WDR59: variants seen among roughly 807,000 people sequenced by gnomAD.
The protein encoded by WDR59 is WD repeat domain 59.
Under a neutral mutation model 131.2 loss-of-function variants are expected in WDR59, and 100 were observed. The ratio of observed to expected loss-of-function variants is 0.76; its 90% CI spans 0.65 to 0.90. The LOEUF is 0.90. Ranked by LOEUF, WDR59 falls within the 40% of genes least tolerant of loss-of-function variation. The pLI, the probability that WDR59 is intolerant of heterozygous loss-of-function variation, is 0.00. For missense variants in WDR59, 1,203 were observed against 1,262.2 expected (o/e 0.95, Z 0.71); for synonymous variants, 601 against 466.2 (o/e 1.29, Z -3.72).
intron 6 of WDR59, among the ~76,000 whole-genome samples, 173 bp downstream of exon 6, chr16:74,948,346 G>A (rs2032778742): frequency 6.6e-6 from 1 of 152,192 alleles, no homozygotes; most frequent in East Asian, 1.9e-4. Context: ...AGCCTAAAGT[G>A]AGCCCCTTGC....
In WDR59 at chr16:74,889,144, G is replaced by A. The variant is rs749909614; in HGVS notation, c.2195+559C>T. ...CAAACTTCAACTTGAAGTCAGGAGC[G>A]TTTCTCTCCCCAGGCCCTGGGCCTC... On this transcript the variant is annotated intron_variant, in intron 21 of 25. Coordinates refer to ENST00000262144, the MANE Select transcript of WDR59 (RefSeq NM_030581.4). Among the ~76,000 whole-genome samples the A allele has an allele frequency of 1.4e-4, 22 of 152,294 alleles. 1 individual carries two copies. The highest frequency in any genetic ancestry group is 1.2e-4 in the Non-Finnish European group (8 of 68,018).
chr16:74,879,339 AGAGT>A (rs934686987), intron 25 of WDR59, among the ~76,000 whole-genome samples: 2 of 152,224 alleles, frequency 1.3e-5, no homozygotes, highest in Non-Finnish European at 2.9e-5. Context: ...CCTGGGTGAC[AGAGT>A]GAGACCCTGT....
At chr16:74,980,523 T>C (rs2034358928) in intron 1 of WDR59, among the ~76,000 whole-genome samples, 1 of 151,816 alleles carries the variant, frequency 6.6e-6, no homozygotes, top group Non-Finnish European at 1.5e-5. Context: ...CTGGCTAATT[T>C]TTGTATTTTT....
chr16:74,916,024 A>C (rs973519954), intron 12 of WDR59, 30 bp from the exon 13 acceptor site: 1 of 1,614,030 alleles, frequency 6.2e-7, no homozygotes, highest in Non-Finnish European at 8.5e-7. Flanking sequence ...CAATGTTGGA[A>C]AGCATTTTTG....
intron 10 of WDR59, among the ~76,000 whole-genome samples, chr16:74,921,043 T>C (rs1207633608): frequency 7.2e-5 from 11 of 152,156 alleles, no homozygotes; most frequent in Non-Finnish European, 1.6e-4. Context: ...ACATGTTCCA[T>C]ATAATTTTCA....
At chr16:74,901,361 G>C (rs1366186279) in intron 18 of WDR59, among the ~76,000 whole-genome samples, 1 of 151,472 alleles carries the variant, frequency 6.6e-6, no homozygotes, top group Non-Finnish European at 1.5e-5. Context: ...AGCTCTCAGG[G>C]GCAGAGATCT....
At chr16:74,974,387 A>T (rs1445751404) in intron 1 of WDR59, among the ~76,000 whole-genome samples, 2 of 152,184 alleles carry the variant, frequency 1.3e-5, no homozygotes, top group Non-Finnish European at 2.9e-5. Flanking sequence ...CTAATTTAAT[A>T]ATAATGGTAA....
intron 18 of WDR59, among the ~76,000 whole-genome samples, chr16:74,894,930 A>G (rs1229929281): frequency 1.3e-5 from 2 of 152,232 alleles, no homozygotes; most frequent in East Asian, 1.9e-4. Context: ...ACATGTAACT[A>G]TTATGAATGT....
intron 1 of WDR59, among the ~76,000 whole-genome samples, chr16:74,970,482 G>C (rs1376404458): frequency 1.9e-5 from 2 of 103,172 alleles, no homozygotes; most frequent in Admixed American, 1.2e-4. Context: ...GTGACAGAGA[G>C]AGACTCTGTC....
intron 18 of WDR59, among the ~76,000 whole-genome samples, chr16:74,896,888 T>G (rs1418566521): frequency 6.6e-6 from 1 of 152,206 alleles, no homozygotes; most frequent in African/African-American, 2.4e-5. Context: ...GGGATACTAC[T>G]TCCACTTTAC....
At chr16:74,976,245 A>G (rs2034175290) in intron 1 of WDR59, among the ~76,000 whole-genome samples, 1 of 152,116 alleles carries the variant, frequency 6.6e-6, no homozygotes, top group Non-Finnish European at 1.5e-5. Flanking sequence ...TTTTTATTAG[A>G]GTAAAACACA....
chr16:74,977,639 G>A (rs1230788160), intron 1 of WDR59, among the ~76,000 whole-genome samples: 1 of 152,180 alleles, frequency 6.6e-6, no homozygotes, highest in Non-Finnish European at 1.5e-5. Context: ...AGTGAGCTGA[G>A]ATCGTGCCAC....
chr16:74,911,150 C>T (rs975234473), intron 14 of WDR59, among the ~76,000 whole-genome samples: 12 of 152,182 alleles, frequency 7.9e-5, no homozygotes, highest in African/African-American at 2.9e-4. Context: ...GGGAGTGAGC[C>T]ACCGCACCCG....
chr16:74,895,390 G>A (rs1308811956), intron 18 of WDR59, among the ~76,000 whole-genome samples: 1 of 152,104 alleles, frequency 6.6e-6, no homozygotes, highest in Non-Finnish European at 1.5e-5. Flanking sequence ...AGCCTCCCGA[G>A]TAGCTGGGAT....
chr16:74,981,610 TTACATATATATATATATATA>T (rs2034406494), intron 1 of WDR59, among the ~76,000 whole-genome samples: 1 of 76,704 alleles, frequency 1.3e-5, no homozygotes, highest in African/African-American at 5.8e-5. Context: ...ACATATACAT[TTACATATATATATATATATA>T]TATATATATA....
At chr16:74,944,558 A>G (rs764522366) in intron 6 of WDR59, among the ~76,000 whole-genome samples, 3 of 151,852 alleles carry the variant, frequency 2.0e-5, no homozygotes, top group African/African-American at 7.3e-5. Flanking sequence ...AATACTCACA[A>G]CGTGACTCCC....
chr16:74,876,407 G>A (rs1050050242), intron 25 of WDR59, among the ~76,000 whole-genome samples: 1 of 152,136 alleles, frequency 6.6e-6, no homozygotes, highest in Non-Finnish European at 1.5e-5. Context: ...TTATGAGAAT[G>A]TAAATATTGT....
At chr16:74,956,727 C>T in intron 2 of WDR59, 117 bp from the exon 3 acceptor site, 1 of 1,265,836 alleles carries the variant, frequency 7.9e-7, no homozygotes, top group Non-Finnish European at 1.1e-6. Context: ...AAAACCCAAA[C>T]ACACATGGCA....
At chr16:74,923,783 T>C (rs1567724292) in intron 9 of WDR59, 143 bp downstream of exon 9, 1 of 744,430 alleles carries the variant, frequency 1.3e-6, no homozygotes, top group Non-Finnish European at 2.2e-6. Flanking sequence ...TAAGCTATCA[T>C]TATCACGTTT....
Sources: gnomAD v4.1 joint callset for allele counts (sites outside exome capture counted in the v4.1 genomes callset) on GRCh38, gnomAD v4.1.1 for gene constraint, MANE v1.5 for transcripts, NCBI Gene and HGNC (gene_info 2026-07-23, HGNC 2026-07-21) for gene names.